DOCK8: variants seen among roughly 807,000 people sequenced by gnomAD.
DOCK8 encodes the protein dedicator of cytokinesis protein 8.
A neutral mutation model predicts 245.6 loss-of-function variants in DOCK8; 141 were observed. The observed-to-expected ratio is 0.57, with a 90% CI of 0.50 to 0.66. DOCK8 has a LOEUF of 0.66. Ranked by LOEUF, DOCK8 falls within the 30% of genes least tolerant of loss-of-function variation. The probability of loss-of-function intolerance (pLI) is 0.00; values close to 1 mark genes in which losing one functional copy is unlikely to be tolerated. For synonymous variants in DOCK8, 1,168 were observed against 970.2 expected, an observed-to-expected ratio of 1.20 and a Z score of -3.79; for missense variants, 2,965 against 2,603.4, an observed-to-expected ratio of 1.14 and a Z score of -3.02.
Position 443,513 on chromosome 9 carries a change from C to A in DOCK8, c.5577C>A (p.Asn1859Lys). The A allele has an allele frequency of 6.2e-7, 1 of 1,613,552 alleles. No homozygotes were observed. The highest frequency in any genetic ancestry group is 8.5e-7 in the Non-Finnish European group (1 of 1,179,574). The part of the protein sequence containing the change: ...TPVDKTKLDP[N>K]KAYIQITFVE... The stretch of plus-strand genomic sequence containing the variant: ...TGGACAAAACCAAGTTGGATCCTAA[C>A]AAGGTATACAAAAATTTACAAAAAC... The change falls in exon 43 of 48, where the codon AAC becomes AAA. Residue 1859 changes from asparagine (N) to lysine (K), a missense_variant. Coordinates refer to ENST00000432829, the MANE Select transcript of DOCK8 (RefSeq NM_203447.4).
intron 24 of DOCK8, among the ~76,000 whole-genome samples, chr9:396,299 C>T (rs1240023204): frequency 6.6e-6 from 1 of 152,160 alleles, no homozygotes; most frequent in Non-Finnish European, 1.5e-5. Context: ...CCTCGAGAAA[C>T]ACTGAAACTC....
Position 420,382 on chromosome 9 carries a change from C to G in DOCK8, c.3841-19C>G. On this transcript the variant is annotated intron_variant, in intron 30 of 47. Coordinates refer to ENST00000432829, the MANE Select transcript of DOCK8 (RefSeq NM_203447.4). The stretch of plus-strand genomic sequence containing the variant: ...TGACTTCTTCCCTGGCCTCCATCCC[C>G]CAATCTGCCTCCCTTCAGCCCTATA... 2 of 1,614,032 alleles carry G rather than the reference C, an allele frequency of 1.2e-6. No individual in the cohort carries two copies. The highest frequency in any genetic ancestry group is 1.7e-6 in the Non-Finnish European group (2 of 1,180,030).
intron 6 of DOCK8, among the ~76,000 whole-genome samples, chr9:316,573 G>A (rs1447888188): frequency 6.6e-6 from 1 of 152,178 alleles, no homozygotes; most frequent in African/African-American, 2.4e-5. Flanking sequence ...AAGTGACTCT[G>A]TATTATAGGA....
At chr9:398,026 C>T (rs1334240332) in intron 25 of DOCK8, among the ~76,000 whole-genome samples, 2 of 152,298 alleles carry the variant, frequency 1.3e-5, no homozygotes, top group Non-Finnish European at 2.9e-5. Flanking sequence ...TATTATTAAT[C>T]GCTTTGTCGT....
intron 23 of DOCK8, among the ~76,000 whole-genome samples, chr9:388,310 A>T (rs952466350): frequency 6.6e-6 from 1 of 152,220 alleles, no homozygotes; most frequent in Non-Finnish European, 1.5e-5. Flanking sequence ...GTTAACGCAT[A>T]TTAAAATTAT....
chr9:451,974 TATA>T lies in DOCK8; in HGVS notation c.5962-36_5962-34del, dbSNP rs369512611. 434 of 285,568 alleles carry T rather than the reference TATA, an allele frequency of 1.5e-3. 14 individuals carry two copies. Among genetic ancestry groups the T allele is most frequent in the African/African-American group, 6.1e-3 (129 of 21,072 alleles). The allele number at this position is 285,568 out of a possible 1,614,324, so 17.7% of individuals were successfully genotyped here. A position where few individuals can be genotyped will look rare whatever the true frequency, so the allele number is the denominator to read the frequency against. ...GTGTGTGTATATATATATATATATA[TATA>T]TTTTTTTTTTTTTTTTTTTTTTTTT... On this transcript the variant is annotated intron_variant, in intron 45 of 47. Coordinates refer to ENST00000432829, the MANE Select transcript of DOCK8 (RefSeq NM_203447.4).
intron 1 of DOCK8, among the ~76,000 whole-genome samples, chr9:242,298 C>G (rs1169098860): frequency 1.3e-5 from 2 of 152,098 alleles, no homozygotes; most frequent in Non-Finnish European, 2.9e-5. Flanking sequence ...ATGATAAACA[C>G]TTGACTGTGA....
intron 22 of DOCK8, among the ~76,000 whole-genome samples, chr9:383,325 G>C (rs549276394): frequency 2.0e-5 from 3 of 152,138 alleles, no homozygotes; most frequent in South Asian, 2.1e-4. Context: ...ACAAGGTCAG[G>C]AGTTCGAGAC....
intron 1 of DOCK8, among the ~76,000 whole-genome samples, chr9:219,913 A>G (rs2046845684): frequency 6.6e-6 from 1 of 152,136 alleles, no homozygotes; most frequent in Non-Finnish European, 1.5e-5. Flanking sequence ...AAAGGAACAA[A>G]CCCAATAATT....
intron 1 of DOCK8, among the ~76,000 whole-genome samples, chr9:240,394 T>C (rs1488640053): frequency 6.6e-6 from 1 of 151,970 alleles, no homozygotes; most frequent in Non-Finnish European, 1.5e-5. Context: ...TTTTTTTTAA[T>C]GAATGTTTTT....
intron 46 of DOCK8, among the ~76,000 whole-genome samples, chr9:455,873 A>C (rs1202313300): frequency 6.6e-6 from 1 of 152,218 alleles, no homozygotes; most frequent in Non-Finnish European, 1.5e-5. Flanking sequence ...AAACATGCTC[A>C]AACTGCTGCA....
chr9:239,756 C>T (rs1554644577), intron 1 of DOCK8, among the ~76,000 whole-genome samples: 1 of 152,164 alleles, frequency 6.6e-6, no homozygotes, highest in Non-Finnish European at 1.5e-5. Flanking sequence ...TTCAGATACA[C>T]ACATACATAC....
chr9:221,628 A>G (rs914964868), intron 1 of DOCK8, among the ~76,000 whole-genome samples: 1 of 151,468 alleles, frequency 6.6e-6, no homozygotes, highest in African/African-American at 2.4e-5. Flanking sequence ...CCTGGCCAAC[A>G]TGGTGAAACC....
At chr9:358,280 G>T (rs1218051766) in intron 14 of DOCK8, among the ~76,000 whole-genome samples, 1 of 151,984 alleles carries the variant, frequency 6.6e-6, no homozygotes, top group African/African-American at 2.4e-5. Flanking sequence ...GTACAGATGG[G>T]GTCTCACTAT....
At chr9:237,877 T>C (rs564098460) in intron 1 of DOCK8, among the ~76,000 whole-genome samples, 1 of 152,134 alleles carries the variant, frequency 6.6e-6, no homozygotes, top group East Asian at 1.9e-4. Flanking sequence ...TTAAACAAAG[T>C]GATTAATTTA....
In DOCK8 at chr9:244,294, G is replaced by A. The variant is rs1034396165; in HGVS notation, c.54-27333G>A. ...CCCCCCACCACACACACACACACACGCACACACATATATACTGAAACGAAA... is the reference window on the plus strand; with the variant it reads ...CCCCCCACCACACACACACACACACACACACACATATATACTGAAACGAAA... On this transcript the variant is annotated intron_variant, in intron 1 of 47. Transcript: ENST00000432829. Among the ~76,000 whole-genome samples the A allele has an allele frequency of 1.4e-3, 205 of 145,234 alleles. 1 individual carries two copies. The highest frequency in any genetic ancestry group is 0.01 in the Admixed American group (148 of 14,480).
At chr9:435,601 C>G (rs2056873017) in intron 39 of DOCK8, among the ~76,000 whole-genome samples, 1 of 152,124 alleles carries the variant, frequency 6.6e-6, no homozygotes, top group Non-Finnish European at 1.5e-5. Flanking sequence ...TTATAGGGGC[C>G]CACTCTCCAA....
At chr9:324,688 A>G (rs755447007) in intron 7 of DOCK8, among the ~76,000 whole-genome samples, 1 of 152,182 alleles carries the variant, frequency 6.6e-6, no homozygotes, top group South Asian at 2.1e-4. Context: ...AGGAAGGGCC[A>G]GACATTCATC....
At chr9:281,552 C>T (rs1278118683) in intron 2 of DOCK8, among the ~76,000 whole-genome samples, 1 of 152,156 alleles carries the variant, frequency 6.6e-6, no homozygotes, top group Non-Finnish European at 1.5e-5. Flanking sequence ...AACTGCATCC[C>T]TGCTGAAATG....
Sources: gnomAD v4.1 joint callset for allele counts (sites outside exome capture counted in the v4.1 genomes callset) on GRCh38, gnomAD v4.1.1 for gene constraint, MANE v1.5 for transcripts, NCBI Gene and HGNC (gene_info 2026-07-23, HGNC 2026-07-21) for gene names.